WDPCP: variants seen among roughly 807,000 people sequenced by gnomAD.
WDPCP encodes the protein WD repeat-containing and planar cell polarity effector protein fritz homolog.
WDPCP carries 71 observed loss-of-function variants against 93.1 expected under a neutral mutation model. The ratio of observed to expected loss-of-function variants is 0.76; its 90% CI spans 0.63 to 0.93. WDPCP has a LOEUF of 0.93. WDPCP is among the 40% of genes least tolerant of loss of function. The pLI, the probability that WDPCP is intolerant of heterozygous loss-of-function variation, is 0.00. For synonymous variants in WDPCP, 315 were observed against 315.0 expected (o/e 1.00, Z 0.00); for missense variants, 844 against 887.4 (o/e 0.95, Z 0.62).
At chr2:63,244,273 A>G (rs1680094450) in intron 14 of WDPCP, among the ~76,000 whole-genome samples, 1 of 152,160 alleles carries the variant, frequency 6.6e-6, no homozygotes, top group South Asian at 2.1e-4. Flanking sequence ...AGTTAGAAAA[A>G]GTTCAAATTA....
chr2:63,588,530 GGGTCGATCCAGCTTTAC>G, upstream of WDPCP: 2 of 596,522 alleles, frequency 3.4e-6, no homozygotes, highest in Non-Finnish European at 6.0e-6. Context: ...TTTTGTTTCC[GGGTCGATCCAGCTTTAC>G]GCAGCGGAAG....
At chr2:63,633,070 TA>T (rs1478397815) in intron 3 of WDPCP, among the ~76,000 whole-genome samples, 2 of 152,138 alleles carry the variant, frequency 1.3e-5, no homozygotes, top group African/African-American at 4.8e-5. Context: ...GAGTGAGATA[TA>T]TTCAAAGTCC....
Position 63,211,625 on chromosome 2 carries a change from G to A in WDPCP, c.1916-36793C>T, listed in dbSNP as rs369336915. 2.3e-3 allele frequency among the ~76,000 whole-genome samples: 345 copies of A among 152,306 alleles called. 1 individual carries two copies. Among genetic ancestry groups the A allele is most frequent in the Non-Finnish European group, 4.0e-3 (273 of 68,028 alleles). On this transcript the variant is annotated intron_variant, in intron 14 of 17. Coordinates refer to ENST00000272321, the MANE Select transcript of WDPCP (RefSeq NM_015910.7). ...GCTGGATGGAGAATGACTTTGACGA[G>A]TTGAGAGAAGAAGGCTTCAGAAAAT...
intron 1 of WDPCP, among the ~76,000 whole-genome samples, chr2:63,822,155 T>C (rs1671035275): frequency 6.6e-6 from 1 of 152,180 alleles, no homozygotes; most frequent in South Asian, 2.1e-4. Flanking sequence ...TTTAAAATTA[T>C]TATGTAAAAT....
chr2:63,717,318 G>A (rs1669353018), intron 2 of WDPCP: 1 of 523,374 alleles, frequency 1.9e-6, no homozygotes, highest in Non-Finnish European at 3.8e-6. Context: ...AAATCACTGT[G>A]AACATGAAAA....
intron 12 of WDPCP, among the ~76,000 whole-genome samples, chr2:63,366,002 G>A (rs1690872586): frequency 6.6e-6 from 1 of 152,128 alleles, no homozygotes; most frequent in Non-Finnish European, 1.5e-5. Flanking sequence ...AGGGAACTGA[G>A]ACTTGACTTG....
intron 17 of WDPCP, among the ~76,000 whole-genome samples, chr2:63,124,335 T>A (rs1004460240): frequency 2.6e-5 from 4 of 152,062 alleles, no homozygotes; most frequent in Non-Finnish European, 4.4e-5. Context: ...TGCTCAGCCT[T>A]GACTGAATGA....
chr2:63,391,901 G>C (rs1231438233), intron 10 of WDPCP, among the ~76,000 whole-genome samples: 1 of 152,158 alleles, frequency 6.6e-6, no homozygotes, highest in East Asian at 1.9e-4. Flanking sequence ...CAAACAAATG[G>C]AAGAACATTC....
At chr2:63,255,923 A>G (rs1416208075) in intron 14 of WDPCP, among the ~76,000 whole-genome samples, 3 of 152,208 alleles carry the variant, frequency 2.0e-5, no homozygotes, top group Non-Finnish European at 4.4e-5. Flanking sequence ...GAAATTTAAA[A>G]ATAAGATTAC....
At chr2:63,130,406 G>A (rs1332099106) in intron 17 of WDPCP, among the ~76,000 whole-genome samples, 1 of 152,046 alleles carries the variant, frequency 6.6e-6, no homozygotes, top group Non-Finnish European at 1.5e-5. Context: ...ACCCTTGTCA[G>A]AAATCATTTA....
intron 13 of WDPCP, among the ~76,000 whole-genome samples, chr2:63,277,854 G>C (rs532499218): frequency 2.0e-5 from 3 of 152,326 alleles, no homozygotes; most frequent in African/African-American, 7.2e-5. Context: ...CGTCAAGACA[G>C]AAAGTCAAGA....
intron 13 of WDPCP, among the ~76,000 whole-genome samples, chr2:63,282,270 G>T (rs766492961): frequency 6.6e-6 from 1 of 152,196 alleles, no homozygotes; most frequent in Non-Finnish European, 1.5e-5. Flanking sequence ...ACTTTGGGAG[G>T]CTGAGGCAGG....
At chr2:63,607,492 C>T (rs1004598634) in intron 3 of WDPCP, among the ~76,000 whole-genome samples, 12 of 151,404 alleles carry the variant, frequency 7.9e-5, no homozygotes, top group African/African-American at 2.7e-4. Context: ...GCCAAGATTG[C>T]GCCACTGCAC....
intron 3 of WDPCP, among the ~76,000 whole-genome samples, chr2:63,627,643 C>T (rs1163527054): frequency 1.3e-5 from 2 of 152,216 alleles, no homozygotes; most frequent in African/African-American, 4.8e-5. Flanking sequence ...AGCAGCTTAA[C>T]TTCAACGGGA....
At chr2:63,146,372 T>C (rs1574722527) in intron 17 of WDPCP, among the ~76,000 whole-genome samples, 1 of 151,738 alleles carries the variant, frequency 6.6e-6, no homozygotes, top group Non-Finnish European at 1.5e-5. Context: ...TATTTTGAGG[T>C]ATGTTCCTTC....
chr2:63,160,492 T>C (rs532737665), intron 15 of WDPCP, among the ~76,000 whole-genome samples: 4 of 152,316 alleles, frequency 2.6e-5, no homozygotes, highest in African/African-American at 7.2e-5. Context: ...TTCATTAAAA[T>C]ACATCAAATG....
Position 63,705,773 on chromosome 2 carries a change from G to C in WDPCP, n.309-54935C>G, listed in dbSNP as rs191584623. Among the ~76,000 whole-genome samples the C allele has an allele frequency of 4.3e-3, 639 of 147,672 alleles. 38 individuals are homozygous for C. Among genetic ancestry groups the C allele is most frequent in the Non-Finnish European group, 3.3e-3 (215 of 65,740 alleles). ...TGATGCTGAGAAGAATGTGTATTCT[G>C]TTGATCTGGGGTGGAGAGTTCTGTA... On this transcript the variant is annotated intron_variant and non_coding_transcript_variant, in intron 2 of 4. Coordinates refer to the WDPCP transcript ENST00000467687.
chr2:63,294,859 T>C (rs1391776084), intron 13 of WDPCP, among the ~76,000 whole-genome samples: 1 of 152,192 alleles, frequency 6.6e-6, no homozygotes, highest in Non-Finnish European at 1.5e-5. Flanking sequence ...TTTTAAAAAT[T>C]ATGAGTCTAA....
chr2:63,310,431 G>A (rs966830817), intron 13 of WDPCP, among the ~76,000 whole-genome samples: 6 of 152,056 alleles, frequency 3.9e-5, no homozygotes, highest in Middle Eastern at 3.4e-3. Flanking sequence ...TTTCTACAAT[G>A]CAGCCTTAAG....
Sources: gnomAD v4.1 joint callset for allele counts (sites outside exome capture counted in the v4.1 genomes callset) on GRCh38, gnomAD v4.1.1 for gene constraint, MANE v1.5 for transcripts, NCBI Gene and HGNC (gene_info 2026-07-23, HGNC 2026-07-21) for gene names.